COL4A4: variants seen among roughly 807,000 people sequenced by gnomAD.
COL4A4 encodes the protein collagen alpha-4(IV) chain.
A neutral mutation model predicts 192.9 loss-of-function variants in COL4A4; 105 were observed. The observed-to-expected ratio is 0.54, with a 90% CI of 0.46 to 0.64. The LOEUF (loss-of-function observed/expected upper bound fraction) is 0.64, where lower values mean the gene tolerates loss of function less well. Ranked by LOEUF, COL4A4 falls within the 30% of genes least tolerant of loss-of-function variation. The probability of loss-of-function intolerance (pLI) is 0.00; values close to 1 mark genes in which losing one functional copy is unlikely to be tolerated. For synonymous variants in COL4A4, 762 were observed against 769.9 expected (o/e 0.99, Z 0.17); for missense variants, 1,967 against 2,169.3 (o/e 0.91, Z 1.85).
At chr2:227,010,175 C>T in intron 46 of COL4A4, 138 bp downstream of exon 46, 2 of 876,262 alleles carry the variant, frequency 2.3e-6, no homozygotes, top group Non-Finnish European at 3.8e-6. Context: ...CTGAGAATGA[C>T]CATGCTAGTG....
At chr2:227,118,832 A>G (rs1194292709) in intron 6 of COL4A4, 71 bp from the exon 7 acceptor site, 54 of 949,962 alleles carry the variant, frequency 5.7e-5, no homozygotes, top group Non-Finnish European at 8.4e-5. Context: ...TGCAATATGA[A>G]TACTCAAATT....
chr2:227,084,151 G>C (rs1466401552), intron 22 of COL4A4, among the ~76,000 whole-genome samples: 1 of 152,112 alleles, frequency 6.6e-6, no homozygotes, highest in Non-Finnish European at 1.5e-5. Flanking sequence ...TGTAGGTTGG[G>C]TTTTCTTTTA....
upstream of COL4A4, chr2:227,164,422 A>G (rs2065117934): frequency 4.2e-6 from 2 of 479,438 alleles, no homozygotes; most frequent in African/African-American, 2.1e-5. This position sits in a 1 kb window ranked among gnomAD's most constrained non-coding sequence, Gnocchi z 4.8. Flanking sequence ...CCTGCCCCTC[A>G]GGCGCCCAGC....
chr2:227,115,049 T>C (rs1348380662), intron 7 of COL4A4, among the ~76,000 whole-genome samples: 3 of 150,256 alleles, frequency 2.0e-5, no homozygotes, highest in Non-Finnish European at 2.9e-5. Flanking sequence ...GTAAAACGTA[T>C]ATATATATAT....
intron 18 of COL4A4, 70 bp from the exon 19 acceptor site, chr2:227,098,868 T>G (rs1436227701): frequency 9.5e-6 from 12 of 1,263,204 alleles, no homozygotes; most frequent in Admixed American, 1.8e-5. Flanking sequence ...CAACAATTAC[T>G]TTTTGTGAGA....
chr2:227,010,217 T>C, intron 46 of COL4A4, 96 bp downstream of exon 46: 1 of 1,235,330 alleles, frequency 8.1e-7, no homozygotes, highest in East Asian at 2.3e-5. Context: ...TAATCCCATA[T>C]AAGGTTAGTG....
chr2:227,086,998 A>G (rs1472559005), intron 22 of COL4A4, among the ~76,000 whole-genome samples: 1 of 152,120 alleles, frequency 6.6e-6, no homozygotes, highest in Non-Finnish European at 1.5e-5. Flanking sequence ...TATTTTCATG[A>G]GATTTTCTGG....
intron 30 of COL4A4, 30 bp downstream of exon 30, chr2:227,055,915 G>T: frequency 6.3e-7 from 1 of 1,598,182 alleles, no homozygotes; most frequent in Non-Finnish European, 8.6e-7. Flanking sequence ...TTCTAAGATG[G>T]GAGGACATCA....
intron 25 of COL4A4, among the ~76,000 whole-genome samples, chr2:227,069,272 C>T (rs541602398): frequency 0.15 from 23,370 of 151,292 alleles, 2,236 homozygotes; most frequent in African/African-American, 0.27. Flanking sequence ...GAATCAATAT[C>T]GTGAAAATGG....
chr2:227,139,066 T>A (rs1352920659), intron 4 of COL4A4, among the ~76,000 whole-genome samples: 1 of 152,102 alleles, frequency 6.6e-6, no homozygotes, highest in Non-Finnish European at 1.5e-5. Context: ...GGAGTAGTCA[T>A]GAATTGGATG....
At chr2:227,103,226 C>T in intron 13 of COL4A4, 29 bp from the exon 14 acceptor site, 1 of 1,554,062 alleles carries the variant, frequency 6.4e-7, no homozygotes, top group Non-Finnish European at 8.9e-7. Context: ...ATAATTTGGT[C>T]TATTCTTATT....
chr2:227,082,266 C>T (rs2059366124), intron 22 of COL4A4, 79 bp from the exon 23 acceptor site: 2 of 1,196,794 alleles, frequency 1.7e-6, no homozygotes, highest in African/African-American at 1.5e-5. Flanking sequence ...GAATCTCTCT[C>T]TTCTTCCCTC....
At chr2:227,145,074 T>G (rs780178743) in intron 2 of COL4A4, among the ~76,000 whole-genome samples, 7 of 152,098 alleles carry the variant, frequency 4.6e-5, no homozygotes, top group Non-Finnish European at 1.0e-4. Context: ...GTCCAGGGCC[T>G]TATAAGTGAG....
chr2:227,032,118 G>C, intron 39 of COL4A4, 30 bp downstream of exon 39: 1 of 1,614,134 alleles, frequency 6.2e-7, no homozygotes. Flanking sequence ...TTTAGTTATT[G>C]AAAGAAGGGC....
chr2:227,083,297 A>G (rs1036460897), intron 22 of COL4A4, among the ~76,000 whole-genome samples: 17 of 152,144 alleles, frequency 1.1e-4, no homozygotes, highest in African/African-American at 4.1e-4. Context: ...AAATACCATT[A>G]TAGAAACACT....
intron 30 of COL4A4, among the ~76,000 whole-genome samples, chr2:227,055,502 AAATAAT>A (rs1322491629): frequency 1.3e-5 from 2 of 151,936 alleles, no homozygotes. Flanking sequence ...CTCCTAAAAA[AAATAAT>A]AATAATAAAA....
At chr2:227,057,770 C>T (rs1465738047) in intron 28 of COL4A4, among the ~76,000 whole-genome samples, 170 bp from the exon 29 acceptor site, 1 of 152,194 alleles carries the variant, frequency 6.6e-6, no homozygotes, top group African/African-American at 2.4e-5. Context: ...TAATGAGTTC[C>T]TTATGAACAG....
intron 3 of COL4A4, among the ~76,000 whole-genome samples, chr2:227,142,334 C>G (rs771960908): frequency 6.6e-6 from 1 of 152,080 alleles, no homozygotes; most frequent in Non-Finnish European, 1.5e-5. Context: ...ATTCAAAGTA[C>G]GAACGACATT....
chr2:227,085,839 G>C (rs1170542759), intron 22 of COL4A4, among the ~76,000 whole-genome samples: 1 of 152,150 alleles, frequency 6.6e-6, no homozygotes, highest in African/African-American at 2.4e-5. Flanking sequence ...AGATTTGGAG[G>C]GGGCACACAT....
Sources: gnomAD v4.1 joint callset for allele counts (sites outside exome capture counted in the v4.1 genomes callset) on GRCh38, gnomAD v4.1.1 for gene constraint, Gnocchi (gnomAD v3.1) non-coding constraint, MANE v1.5 for transcripts, NCBI Gene and HGNC (gene_info 2026-07-23, HGNC 2026-07-21) for gene names.